COLGALT2: variants seen among roughly 807,000 people sequenced by gnomAD.
COLGALT2 encodes collagen beta(1-O)galactosyltransferase 2.
In COLGALT2, 49 loss-of-function variants were observed where a neutral mutation model predicts 73.4. That is an observed-to-expected ratio of 0.67 (90% CI 0.53 to 0.85). The LOEUF (loss-of-function observed/expected upper bound fraction) is 0.85. Ranked by LOEUF, COLGALT2 falls within the 40% of genes least tolerant of loss-of-function variation. The probability of loss-of-function intolerance (pLI) is 0.00; values close to 1 mark genes in which losing one functional copy is unlikely to be tolerated. For missense variants in COLGALT2, 722 were observed against 790.2 expected, an observed-to-expected ratio of 0.91 and a Z score of 1.03; for synonymous variants, 295 against 307.6, an observed-to-expected ratio of 0.96 and a Z score of 0.43.
At chr1:183,993,627 C>T (rs1469766640) in intron 1 of COLGALT2, among the ~76,000 whole-genome samples, 1 of 152,142 alleles carries the variant, frequency 6.6e-6, no homozygotes, top group African/African-American at 2.4e-5. Context: ...TTCCCCAGCC[C>T]CAGGTCAGGC....
Position 184,024,478 on chromosome 1 carries a change from G to A in COLGALT2, c.263+12617C>T, listed in dbSNP as rs969649450. On this transcript the variant is annotated intron_variant, in intron 1 of 11. Coordinates refer to ENST00000361927, the MANE Select transcript of COLGALT2 (RefSeq NM_015101.4). Reference sequence around the variant, plus strand: ...AGTGATTCTCCTGCCTCAGCCTCCCGAGTAGCTGAGATTACAGGTGCCCAT... The same window carrying A: ...AGTGATTCTCCTGCCTCAGCCTCCCAAGTAGCTGAGATTACAGGTGCCCAT... 7.9e-5 allele frequency among the ~76,000 whole-genome samples: 12 copies of A among 151,176 alleles called. 1 individual carries two copies. Among genetic ancestry groups the A allele is most frequent in the African/African-American group, 9.7e-5 (4 of 41,138 alleles).
intron 1 of COLGALT2, among the ~76,000 whole-genome samples, chr1:183,994,830 T>A (rs1182030149): frequency 1.3e-5 from 2 of 152,032 alleles, no homozygotes; most frequent in African/African-American, 4.8e-5. Context: ...TTATGGGGAG[T>A]AATAACAAAA....
At chr1:184,029,008 T>C (rs999854266) in intron 1 of COLGALT2, among the ~76,000 whole-genome samples, 5 of 152,224 alleles carry the variant, frequency 3.3e-5, no homozygotes, top group Admixed American at 6.5e-5. Flanking sequence ...CATGGAGCTA[T>C]TATTCAAAGT....
chr1:183,958,006 A>G (rs1670598814), intron 6 of COLGALT2, among the ~76,000 whole-genome samples: 1 of 152,100 alleles, frequency 6.6e-6, no homozygotes. Flanking sequence ...AATTTGCAAG[A>G]GTAATCTCCT....
Position 183,999,779 on chromosome 1 carries a change from CATCATT to C in COLGALT2, c.264-21265_264-21260del, listed in dbSNP as rs1671866199. On this transcript the variant is annotated intron_variant, in intron 1 of 11. Transcript: ENST00000361927. ...ATTCTTATATTCTCAATATTAGTTA[CATCATT>C]ATTTATGTATTCTCCTTTTCATCCT... Among the ~76,000 whole-genome samples the C allele has an allele frequency of 2.0e-5, 3 of 152,134 alleles. No homozygotes were observed. In the South Asian group the frequency reaches 6.2e-4, roughly 32 times the overall value.
chr1:184,010,938 C>T (rs561403646), intron 1 of COLGALT2, among the ~76,000 whole-genome samples: 38 of 152,242 alleles, frequency 2.5e-4, no homozygotes, highest in African/African-American at 9.1e-4. Context: ...TAGTGCCCTC[C>T]AGCCAGAGGA....
intron 1 of COLGALT2, among the ~76,000 whole-genome samples, chr1:183,986,305 ATTCTTCCC>A (rs1418357418): frequency 6.6e-6 from 1 of 152,298 alleles, no homozygotes; most frequent in East Asian, 1.9e-4. Context: ...CTTAGTTGCA[ATTCTTCCC>A]AATGAACTAA....
rs1670386479 is a variant in COLGALT2, at chr1:183,951,113, T to C, written c.1030A>G (p.Ile344Val). The C allele has an allele frequency of 6.2e-7, 1 of 1,608,488 alleles. No individual in the cohort carries two copies. Among genetic ancestry groups the C allele is most frequent in the Non-Finnish European group, 8.5e-7 (1 of 1,174,990 alleles). ...KYPDKMGFDE[I>V]FMINLKRRKD... ...CTGCGTTTGAGGTTTATCATGAAAA[T>C]CTAATGCAAGAAGGAAAAGGGAAAA... Residue 344 changes from isoleucine to valine, a missense_variant and splice_region_variant, in exon 8 of 12, where the codon ATT (isoleucine) becomes GTT (valine). Ile to Val is a conservative substitution (Grantham distance 29). Transcript: ENST00000361927.
chr1:183,941,412 G>A (rs1406758989), intron 10 of COLGALT2, among the ~76,000 whole-genome samples: 1 of 152,190 alleles, frequency 6.6e-6, no homozygotes, highest in Non-Finnish European at 1.5e-5. Flanking sequence ...GCTGCTCTGA[G>A]AAAGGCCCCC....
chr1:184,025,639 A>AT (rs1649310007), intron 1 of COLGALT2, among the ~76,000 whole-genome samples: 1 of 152,194 alleles, frequency 6.6e-6, no homozygotes, highest in African/African-American at 2.4e-5. Flanking sequence ...GGTCTAATAT[A>AT]TGCCATTGCA....
intron 1 of COLGALT2, among the ~76,000 whole-genome samples, chr1:184,005,643 A>G (rs951327058): frequency 2.0e-4 from 30 of 151,808 alleles, no homozygotes; most frequent in African/African-American, 7.3e-4. Context: ...GCCCATCCAC[A>G]CTCTGCCTCT....
chr1:183,976,165 C>A (rs1174626828), intron 2 of COLGALT2, among the ~76,000 whole-genome samples: 1 of 151,966 alleles, frequency 6.6e-6, no homozygotes, highest in Admixed American at 6.6e-5. Flanking sequence ...AACCTGGCTG[C>A]AGAGAACATT....
At chr1:184,002,055 G>T (rs549922703) in intron 1 of COLGALT2, among the ~76,000 whole-genome samples, 1 of 152,344 alleles carries the variant, frequency 6.6e-6, no homozygotes, top group East Asian at 1.9e-4. Flanking sequence ...ACACCATTTT[G>T]AAGATTATGA....
At chr1:184,026,403 A>G (rs1343788628) in intron 1 of COLGALT2, among the ~76,000 whole-genome samples, 1 of 152,214 alleles carries the variant, frequency 6.6e-6, no homozygotes, top group African/African-American at 2.4e-5. Context: ...GCACAAGAAA[A>G]TAGGGTATGG....
At chr1:183,933,042 C>T (rs1284888790), downstream of COLGALT2, among the ~76,000 whole-genome samples, 1 of 152,200 alleles carries the variant, frequency 6.6e-6, no homozygotes, top group Non-Finnish European at 1.5e-5. Context: ...GGGCACTGGA[C>T]ATTTCACTTG....
Position 184,037,075 on chromosome 1 carries a change from C to A in COLGALT2, c.263+20G>T. On this transcript the variant is annotated intron_variant, in intron 1 of 11. Coordinates refer to ENST00000361927, the MANE Select transcript of COLGALT2 (RefSeq NM_015101.4). ...GCCCCCGCGTCCCGCCGCGGCGGCC[C>A]GGGGCCCGTGCGCGCTCACCAGATG... The A allele has an allele frequency of 6.5e-7, 1 of 1,531,610 alleles. No individual in the cohort carries two copies. The highest frequency in any genetic ancestry group is 1.2e-5 in the South Asian group (1 of 82,668). 94.9% of individuals were successfully genotyped at this position (1,531,610 alleles called of 1,614,324 possible).
chr1:184,035,434 G>A (rs1649642868), intron 1 of COLGALT2, among the ~76,000 whole-genome samples: 1 of 152,056 alleles, frequency 6.6e-6, no homozygotes, highest in African/African-American at 2.4e-5. Context: ...TTTTTAGGGT[G>A]GCCTTGGGTT....
downstream of COLGALT2, among the ~76,000 whole-genome samples, chr1:183,934,170 TG>T (rs1418859384): frequency 1.3e-5 from 2 of 152,250 alleles, no homozygotes; most frequent in African/African-American, 4.8e-5. Context: ...ATTCTGTCAA[TG>T]AATTCTTCCT....
downstream of COLGALT2, among the ~76,000 whole-genome samples, chr1:183,931,439 G>GATGATT (rs1669841592): frequency 6.6e-6 from 1 of 152,168 alleles, no homozygotes; most frequent in Non-Finnish European, 1.5e-5. Context: ...TGGCCAAAAA[G>GATGATT]ATGATTATTG....
Sources: allele counts gnomAD v4.1 joint callset (sites outside exome capture counted in the v4.1 genomes callset), GRCh38; gene constraint gnomAD v4.1.1; transcripts MANE v1.5; gene names NCBI Gene and HGNC (gene_info 2026-07-23, HGNC 2026-07-21).